The following C11orf54 variants were observed in gnomAD, a reference collection of about 807,000 sequenced individuals.
C11orf54 encodes the protein beta-keto L-gulonate decarboxylase.
Under a neutral mutation model 35.5 loss-of-function variants are expected in C11orf54, and 29 were observed. That is an observed-to-expected ratio of 0.82 (90% CI 0.61 to 1.11). The LOEUF is 1.11. Ranked by LOEUF, C11orf54 falls within the 50% of genes most tolerant of loss-of-function variation. The pLI is 0.00. For synonymous variants in C11orf54, 108 were observed against 121.1 expected (o/e 0.89, Z 0.71); for missense variants, 373 against 369.2 (o/e 1.01, Z -0.08).
chr11:93,759,650 CA>C, intron 7 of C11orf54, 91 bp from the exon 8 acceptor site: 1 of 550,688 alleles, frequency 1.8e-6, no homozygotes, highest in East Asian at 4.0e-5. Context: ...TATAATTAAA[CA>C]ATAATAATAA....
At chr11:93,756,855 A>C (rs190227610) in intron 6 of C11orf54, among the ~76,000 whole-genome samples, 2 of 152,328 alleles carry the variant, frequency 1.3e-5, no homozygotes, top group Non-Finnish European at 2.9e-5. Flanking sequence ...GAGATTGAGA[A>C]GTGAAAATAC....
At chr11:93,750,813 T>C (rs1942773995) in intron 3 of C11orf54, among the ~76,000 whole-genome samples, 1 of 152,254 alleles carries the variant, frequency 6.6e-6, no homozygotes, top group Non-Finnish European at 1.5e-5. Flanking sequence ...AAAAGCCTTG[T>C]ATTTGAATGA....
At chr11:93,754,890 C>T (rs545486616) in intron 5 of C11orf54, 9 of 178,300 alleles carry the variant, frequency 5.0e-5, no homozygotes, top group East Asian at 1.6e-4. Context: ...TGTGCCACCA[C>T]GCCCAGCTAA....
At chr11:93,757,809 G>A (rs1031267625) in intron 7 of C11orf54, among the ~76,000 whole-genome samples, 1 of 152,116 alleles carries the variant, frequency 6.6e-6, no homozygotes, top group Non-Finnish European at 1.5e-5. Context: ...GATTACAGAC[G>A]TGAGACGCTG....
chr11:93,760,445 G>C (rs558259617), intron 8 of C11orf54, among the ~76,000 whole-genome samples: 9 of 152,196 alleles, frequency 5.9e-5, no homozygotes, highest in South Asian at 2.1e-4. Context: ...AGTATTCTTA[G>C]CTACTGAGGA....
At chr11:93,758,301 C>T (rs1943263467) in intron 7 of C11orf54, among the ~76,000 whole-genome samples, 1 of 152,208 alleles carries the variant, frequency 6.6e-6, no homozygotes, top group Non-Finnish European at 1.5e-5. Flanking sequence ...TGGCTGTAGT[C>T]CCTGGCATCC....
At chr11:93,750,680 T>C (rs781634434) in intron 3 of C11orf54, among the ~76,000 whole-genome samples, 1 of 152,240 alleles carries the variant, frequency 6.6e-6, no homozygotes, top group African/African-American at 2.4e-5. Context: ...GATTGTAGAA[T>C]AGATATCCAA....
intron 8 of C11orf54, 23 bp from the exon 9 acceptor site, chr11:93,761,492 A>AT: frequency 6.3e-7 from 1 of 1,578,678 alleles, no homozygotes; most frequent in Non-Finnish European, 8.6e-7. Context: ...GAGTACTAAC[A>AT]TATTGTTTGT....
chr11:93,757,965 T>C (rs1269451370), intron 7 of C11orf54, among the ~76,000 whole-genome samples: 1 of 152,256 alleles, frequency 6.6e-6, no homozygotes, highest in African/African-American at 2.4e-5. Context: ...AATATCTTTG[T>C]CCATGTTAGT....
chr11:93,756,312 CAAAAA>C (rs35695203), intron 6 of C11orf54, among the ~76,000 whole-genome samples: 2 of 119,858 alleles, frequency 1.7e-5, no homozygotes, highest in African/African-American at 6.5e-5. Flanking sequence ...AAGACCCTGT[CAAAAA>C]AAAAAAAAAA....
At chr11:93,751,820 C>CTTTTTTTTTTTTTTTTTTT (rs35146074) in intron 3 of C11orf54, among the ~76,000 whole-genome samples, 4 of 80,228 alleles carry the variant, frequency 5.0e-5, no homozygotes, top group Non-Finnish European at 9.4e-5. Context: ...AATGGTTAAT[C>CTTTTTTTTTTTTTTTTTTT]TTTTTTTTTT....
At chr11:93,755,127 G>T in intron 5 of C11orf54, 83 bp from the exon 6 acceptor site, 1 of 1,355,126 alleles carries the variant, frequency 7.4e-7, no homozygotes, top group Non-Finnish European at 1.0e-6. Flanking sequence ...TGTCTTAAAA[G>T]GATTAAATGT....
intron 8 of C11orf54, among the ~76,000 whole-genome samples, chr11:93,760,156 G>A (rs963863190): frequency 6.6e-6 from 1 of 152,128 alleles, no homozygotes; most frequent in Non-Finnish European, 1.5e-5. Flanking sequence ...CGTTGGTCAG[G>A]CTGGTCTCAA....
At chr11:93,744,661 C>T (rs188470312) in intron 1 of C11orf54, among the ~76,000 whole-genome samples, 2 of 152,364 alleles carry the variant, frequency 1.3e-5, no homozygotes, top group Admixed American at 6.5e-5. Context: ...TAAACTGTCT[C>T]ATTCCTGAAC....
At position 93,757,406 on chromosome 11, in the gene C11orf54, C is replaced by A. The variant is rs1943211488; in HGVS notation, c.598C>A (p.Pro200Thr). The change falls in exon 7 of 9, where the codon CCT becomes ACT. Residue 200 changes from proline to threonine, a missense_variant. Physicochemically the swap from Pro to Thr is conservative, Grantham distance 38 (BLOSUM62 -1). Coordinates refer to ENST00000354421, the MANE Select transcript of C11orf54 (RefSeq NM_001286069.2). ...CCTGGAAAAACATTATGGAAATAAG[C>A]CTATAGGAATGGGAGGTACTTTCAT... The part of the protein sequence containing the change: ...ETLEKHYGNK[P>T]IGMGGTFIIQ... 2 of 1,597,952 alleles carry A rather than the reference C, an allele frequency of 1.3e-6. No homozygotes were observed. The highest frequency in any genetic ancestry group is 1.3e-5 in the African/African-American group (1 of 74,912).
At position 93,741,699 on chromosome 11, in the gene C11orf54, T is replaced by C. The variant is rs1942069697; in HGVS notation, c.-127T>C. On this transcript the variant is annotated 5_prime_UTR_variant, in exon 1 of 9. Coordinates refer to ENST00000354421, the MANE Select transcript of C11orf54 (RefSeq NM_001286069.2). ...GGTTGGCCTAGGCGAAGATCCGGAC[T>C]CTGGGTGTTTTGCTACCGTGACCGT... 2 of 355,156 alleles carry C rather than the reference T, an allele frequency of 5.6e-6. No individual in the cohort carries two copies. Among genetic ancestry groups the C allele is most frequent in the Non-Finnish European group, 1.1e-5 (2 of 180,006 alleles). The allele number at this position is 355,156 out of a possible 1,614,324, so 22.0% of individuals were successfully genotyped here. A position where few individuals can be genotyped will look rare whatever the true frequency, so the allele number is the denominator to read the frequency against.
intron 1 of C11orf54, chr11:93,743,021 CAG>C (rs1942214413): frequency 6.6e-6 from 1 of 150,942 alleles, no homozygotes; most frequent in Admixed American, 6.6e-5. Context: ...TTTTTAGAAA[CAG>C]AGTCTCGCTC....
At chr11:93,748,399 C>G (rs1341614501) in intron 2 of C11orf54, among the ~76,000 whole-genome samples, 4 of 152,120 alleles carry the variant, frequency 2.6e-5, no homozygotes, top group Non-Finnish European at 4.4e-5. Context: ...GCTCCTGCCT[C>G]GGCCACCCAA....
intron 1 of C11orf54, among the ~76,000 whole-genome samples, chr11:93,742,519 A>G (rs1942163637): frequency 6.6e-6 from 1 of 152,180 alleles, no homozygotes; most frequent in East Asian, 1.9e-4. Flanking sequence ...TCCCGACCTC[A>G]GGTGATCCTC....
Sources: gnomAD v4.1 joint callset for allele counts (sites outside exome capture counted in the v4.1 genomes callset) on GRCh38, gnomAD v4.1.1 for gene constraint, MANE v1.5 for transcripts, NCBI Gene and HGNC (gene_info 2026-07-23, HGNC 2026-07-21) for gene names.